The following RANGAP1 variants were observed in gnomAD, a reference collection of about 807,000 sequenced individuals.
RANGAP1 encodes ran GTPase-activating protein 1.
Under a neutral mutation model 63.5 loss-of-function variants are expected in RANGAP1, and 38 were observed. The ratio of observed to expected loss-of-function variants is 0.60; its 90% CI spans 0.46 to 0.78. RANGAP1 has a LOEUF of 0.78. Among genes scored for constraint, RANGAP1 ranks in the 30% least tolerant of loss-of-function variants. The probability of loss-of-function intolerance (pLI) is 0.00; values close to 1 mark genes in which losing one functional copy is unlikely to be tolerated. For synonymous variants in RANGAP1, 329 were observed against 310.5 expected, an observed-to-expected ratio of 1.06 and a Z score of -0.63; for missense variants, 630 against 740.3, an observed-to-expected ratio of 0.85 and a Z score of 1.73.
intron 1 of RANGAP1, chr22:41,281,561 C>A (rs1216608611): frequency 2.0e-6 from 2 of 988,654 alleles, no homozygotes; most frequent in African/African-American, 1.7e-5. Context: ...TGCCCCACCA[C>A]CCACGCTGGC....
At chr22:41,281,435 A>G in intron 1 of RANGAP1, 9 of 1,006,784 alleles carry the variant, frequency 8.9e-6, no homozygotes, top group Non-Finnish European at 1.1e-5. Context: ...CAAAGGCTGC[A>G]GAGTCTGGCC....
chr22:41,299,278 G>A, the RANGAP1 span, among the ~76,000 whole-genome samples: 2 of 151,556 alleles, frequency 1.3e-5, no homozygotes, highest in Non-Finnish European at 1.5e-5. Context: ...GACTACAGGC[G>A]CCCGCCACCA....
In RANGAP1 at chr22:41,252,988, G is replaced by T; in HGVS notation, c.1264C>A (p.Pro422Thr). Residue 422 changes from proline (P) to threonine (T), a missense_variant, in exon 12 of 16, where the codon CCA becomes ACA. Physicochemically the swap from Pro to Thr is conservative, Grantham distance 38 (BLOSUM62 -1). This residue lies in a region of RANGAP1 where 428 missense variants were observed against 465.5 expected (regional missense o/e 0.92). Transcript: ENST00000356244. ...GGTGGGGAGGACAGCACGGGAGCTGGCTCCTGGGAAGTAGGGGCACAGAGG... is the reference window on the plus strand; with the variant it reads ...GGTGGGGAGGACAGCACGGGAGCTGTCTCCTGGGAAGTAGGGGCACAGAGG... ...RKILDPNTGE[P>T]APVLSSPPPA... 6.7e-7 allele frequency: 1 copy of T among 1,485,950 alleles called. No individual in the cohort carries two copies. Among genetic ancestry groups the T allele is most frequent in the Non-Finnish European group, 8.9e-7 (1 of 1,119,284 alleles). 92.0% of individuals were successfully genotyped at this position (1,485,950 alleles called of 1,614,324 possible).
intron 3 of RANGAP1, among the ~76,000 whole-genome samples, chr22:41,274,050 C>T (rs976554651): frequency 2.6e-5 from 4 of 152,194 alleles, no homozygotes; most frequent in Admixed American, 1.3e-4. Context: ...TGAACTCCAG[C>T]CTGGACGACA....
chr22:41,272,966 C>G (rs977055937), intron 3 of RANGAP1, among the ~76,000 whole-genome samples: 6 of 152,120 alleles, frequency 3.9e-5, no homozygotes, highest in African/African-American at 1.4e-4. Context: ...GTGCACACCA[C>G]CATGCCGGGC....
In RANGAP1 at chr22:41,260,321, C is replaced by T. The variant is rs922788407; in HGVS notation, c.615+1125G>A. ...CAGTGCACTGAGGACAGCAGGCTGA[C>T]GGCAGGGAGGGATCCAAGGATGGCA... is the stretch of plus-strand genomic sequence containing the variant. On this transcript the variant is annotated intron_variant, in intron 6 of 15. Transcript: ENST00000356244. Among the ~76,000 whole-genome samples, 49 of 152,186 alleles carry T rather than the reference C, an allele frequency of 3.2e-4. 1 individual carries two copies. The highest frequency in any genetic ancestry group is 8.7e-4 in the African/African-American group (36 of 41,518).
chr22:41,255,519 C>T (rs1439657919), intron 10 of RANGAP1, among the ~76,000 whole-genome samples: 1 of 151,698 alleles, frequency 6.6e-6, no homozygotes, highest in Non-Finnish European at 1.5e-5. Flanking sequence ...GCAGCCCCTT[C>T]TGGCTGCCCC....
At position 41,254,309 on chromosome 22, in the gene RANGAP1, C is replaced by A. The variant is rs543585416; in HGVS notation, c.1259G>T (p.Gly420Val). 12 of 1,613,988 alleles carry A rather than the reference C, an allele frequency of 7.4e-6. No homozygotes were observed. The highest frequency in any genetic ancestry group is 1.0e-5 in the Non-Finnish European group (12 of 1,180,012). The change falls in exon 11 of 16, where the codon GGG (glycine) becomes GTG (valine). Residue 420 changes from glycine (G) to valine (V), a missense_variant and splice_region_variant. This residue lies in a region of RANGAP1 where 428 missense variants were observed against 465.5 expected (regional missense o/e 0.92). Coordinates refer to ENST00000356244, the MANE Select transcript of RANGAP1 (RefSeq NM_002883.4). ...TTGTGGCAGATGATAGAAACTCACC[C>A]CAGTGTTAGGGTCCAGAATCTTCCG... ...PSRKILDPNT[G>V]EPAPVLSSPP...
Position 41,266,003 on chromosome 22 carries a change from C to T in RANGAP1, c.301-1160G>A, listed in dbSNP as rs192484744. Reference sequence around the variant, plus strand: ...GGATCACGAGGTCGGGAGATCGAGACCATCCTGGCTAACACAGTGAAACCC... The same window carrying T: ...GGATCACGAGGTCGGGAGATCGAGATCATCCTGGCTAACACAGTGAAACCC... On this transcript the variant is annotated intron_variant, in intron 4 of 15. Coordinates refer to ENST00000356244, the MANE Select transcript of RANGAP1 (RefSeq NM_002883.4). 1.9e-3 allele frequency among the ~76,000 whole-genome samples: 296 copies of T among 152,226 alleles called. 1 individual carries two copies. Among genetic ancestry groups the T allele is most frequent in the Middle Eastern group, 0.017 (5 of 294 alleles).
intron 8 of RANGAP1, 113 bp from the exon 9 acceptor site, chr22:41,256,403 T>A: frequency 1.0e-6 from 1 of 991,000 alleles, no homozygotes; most frequent in Non-Finnish European, 1.5e-6. Flanking sequence ...GTCCTCCAGG[T>A]GGGGCAAAGT....
chr22:41,252,861 G>C lies in RANGAP1; in HGVS notation c.1380+11C>G. 6.4e-7 allele frequency: 1 copy of C among 1,566,730 alleles called. No individual in the cohort carries two copies. Among genetic ancestry groups the C allele is most frequent in the Non-Finnish European group, 8.6e-7 (1 of 1,158,132 alleles). On this transcript the variant is annotated intron_variant, in intron 12 of 15. Coordinates refer to ENST00000356244, the MANE Select transcript of RANGAP1 (RefSeq NM_002883.4). ...GCACGTACAGCGTGGGGGTCGAGGG[G>C]TGGTTATTACCTGCTGGGCTATCAG...
At chr22:41,259,741 G>T (rs1048563388) in intron 6 of RANGAP1, among the ~76,000 whole-genome samples, 1 of 152,178 alleles carries the variant, frequency 6.6e-6, no homozygotes, top group Non-Finnish European at 1.5e-5. Context: ...AGTGGCTTAT[G>T]CCTATAATCC....
upstream of RANGAP1, among the ~76,000 whole-genome samples, chr22:41,287,551 A>T (rs576367708): frequency 7.9e-5 from 12 of 151,996 alleles, no homozygotes; most frequent in African/African-American, 2.9e-4. Flanking sequence ...CTGTAGTCTC[A>T]GCTAAGGGCC....
chr22:41,294,450 T>C, the RANGAP1 span, among the ~76,000 whole-genome samples: 1 of 151,570 alleles, frequency 6.6e-6, no homozygotes, highest in South Asian at 2.1e-4. Context: ...AGTGCCGAGA[T>C]TGCAGCCTCT....
At chr22:41,250,944 A>C in intron 13 of RANGAP1, 63 bp downstream of exon 13, 1 of 1,380,070 alleles carries the variant, frequency 7.2e-7, no homozygotes, top group South Asian at 1.2e-5. Flanking sequence ...ACCACGAAGG[A>C]TACCTGGGGC....
chr22:41,258,528 CAT>C (rs1413290031), intron 6 of RANGAP1, among the ~76,000 whole-genome samples: 2 of 152,246 alleles, frequency 1.3e-5, no homozygotes, highest in African/African-American at 4.8e-5. Flanking sequence ...ACCTACACAA[CAT>C]AACCCCTTCG....
Position 41,249,738 on chromosome 22 carries a change from A to G in RANGAP1, c.1563T>C (p.Gly521=). The change falls in exon 14 of 16, where the codon GGT becomes GGC. Residue 521 remains glycine, a synonymous_variant. Coordinates refer to ENST00000356244, the MANE Select transcript of RANGAP1 (RefSeq NM_002883.4). ...TTCCTTCCGGCCTCACCTTGAGCAG[A>G]CCCATGTGCACGAGCAGCCTGGTGA... ...TFLTRLLVHM[G]LLKSEDKVKA... 1 of 1,613,284 alleles carries G rather than the reference A, an allele frequency of 6.2e-7. No individual in the cohort carries two copies. The highest frequency in any genetic ancestry group is 8.5e-7 in the Non-Finnish European group (1 of 1,179,250).
Position 41,249,449 on chromosome 22 carries a change from A to G in RANGAP1, c.1575T>C (p.Ser525=), listed in dbSNP as rs576341365. The change falls in exon 15 of 16, where the codon AGT becomes AGC. Residue 525 remains serine (S), a splice_region_variant and synonymous_variant. Coordinates refer to ENST00000356244, the MANE Select transcript of RANGAP1 (RefSeq NM_002883.4). ...RLLVHMGLLK[S]EDKVKAIANL... Reference sequence around the variant, plus strand: ...TGGCAATGGCCTTGACCTTGTCTTCACTCTGAGAGGAACACAGCGAAAAGC... The same window carrying G: ...TGGCAATGGCCTTGACCTTGTCTTCGCTCTGAGAGGAACACAGCGAAAAGC... The G allele has an allele frequency of 6.2e-7, 1 of 1,613,984 alleles. No individual in the cohort carries two copies. The highest frequency in any genetic ancestry group is 2.2e-5 in the East Asian group (1 of 44,874).
intron 3 of RANGAP1, among the ~76,000 whole-genome samples, chr22:41,270,038 T>G (rs2034708907): frequency 6.6e-6 from 1 of 151,944 alleles, no homozygotes. Flanking sequence ...TTTCGCCATA[T>G]TGGCCAAGCT....
Sources: allele counts gnomAD v4.1 joint callset (sites outside exome capture counted in the v4.1 genomes callset), GRCh38; gene constraint gnomAD v4.1.1; regional missense constraint gnomAD v4.1.1; transcripts MANE v1.5; gene names NCBI Gene and HGNC (gene_info 2026-07-23, HGNC 2026-07-21).